Variants in GRIA4 observed in about 807,000 individuals in gnomAD.
The protein encoded by GRIA4 is glutamate receptor 4.
GRIA4 carries 34 observed loss-of-function variants against 104.0 expected under a neutral mutation model. The observed-to-expected ratio is 0.33, with a 90% confidence interval of 0.25 to 0.44. The LOEUF is 0.44. GRIA4 is among the 20% of genes least tolerant of loss of function. GRIA4 has a pLI of 1.00. For synonymous variants in GRIA4, 386 were observed against 381.9 expected (o/e 1.01, Z -0.13); for missense variants, 750 against 1,096.5 (o/e 0.68, Z 4.46).
At chr11:105,625,212 T>C (rs1206230936) in intron 3 of GRIA4, among the ~76,000 whole-genome samples, 1 of 152,130 alleles carries the variant, frequency 6.6e-6, no homozygotes, top group African/African-American at 2.4e-5. Flanking sequence ...ACGAGGATGA[T>C]ACCGTACTAA....
chr11:105,717,967 C>G (rs1275901393), intron 3 of GRIA4, among the ~76,000 whole-genome samples: 3 of 149,682 alleles, frequency 2.0e-5, no homozygotes, highest in African/African-American at 7.4e-5. Context: ...TCATCATTCT[C>G]AGTAAACTAT....
rs528466035 is a variant in GRIA4, at chr11:105,665,503, C to G, written c.247+53069C>G. 2.0e-3 allele frequency among the ~76,000 whole-genome samples: 302 copies of G among 151,984 alleles called. 1 individual carries two copies. Among genetic ancestry groups the G allele is most frequent in the African/African-American group, 7.1e-3 (293 of 41,494 alleles). On this transcript the variant is annotated intron_variant, in intron 3 of 16. Coordinates refer to ENST00000282499, the MANE Select transcript of GRIA4 (RefSeq NM_000829.4). ...CTGGCCTTCGAGAATGAGAGCAGTG[C>G]AGGACCAGAGAGGATACTGCAGGAA...
intron 3 of GRIA4, among the ~76,000 whole-genome samples, chr11:105,696,766 AT>A (rs72372757): frequency 0.46 from 68,330 of 148,620 alleles, 15,489 homozygotes; most frequent in East Asian, 0.57. Context: ...TTTCTTTCTG[AT>A]TTTTTTTTTT....
intron 14 of GRIA4, among the ~76,000 whole-genome samples, chr11:105,942,297 A>G (rs948075400): frequency 1.3e-5 from 2 of 152,112 alleles, no homozygotes; most frequent in African/African-American, 4.8e-5. Flanking sequence ...ATAATATTGT[A>G]TAAGCCATAG....
chr11:105,668,523 G>A (rs935151785), intron 3 of GRIA4, among the ~76,000 whole-genome samples: 3 of 151,536 alleles, frequency 2.0e-5, no homozygotes, highest in African/African-American at 7.3e-5. Context: ...CAACAGAGGG[G>A]CTGCTGGCTC....
intron 3 of GRIA4, among the ~76,000 whole-genome samples, chr11:105,741,522 T>C (rs1939304240): frequency 6.6e-6 from 1 of 152,110 alleles, no homozygotes; most frequent in Non-Finnish European, 1.5e-5. Context: ...GGAGGAAACA[T>C]GGGATAAGCT....
chr11:105,822,861 G>A (rs1943626190), intron 4 of GRIA4, among the ~76,000 whole-genome samples: 1 of 152,072 alleles, frequency 6.6e-6, no homozygotes, highest in Non-Finnish European at 1.5e-5. Flanking sequence ...TTATTTGCAA[G>A]GACTGAGTAG....
intron 3 of GRIA4, among the ~76,000 whole-genome samples, chr11:105,695,441 C>T (rs967400297): frequency 6.9e-6 from 1 of 144,868 alleles, no homozygotes; most frequent in Non-Finnish European, 1.5e-5. Context: ...AGAGTGTATG[C>T]GTGCGTGTGT....
chr11:105,655,484 C>T (rs2135395757), intron 3 of GRIA4, among the ~76,000 whole-genome samples: 1 of 152,196 alleles, frequency 6.6e-6, no homozygotes, highest in South Asian at 2.1e-4. Context: ...GCTCTCCCTC[C>T]CCTAGTCCCC....
intron 4 of GRIA4, among the ~76,000 whole-genome samples, chr11:105,792,155 A>T (rs1942240973): frequency 6.6e-6 from 1 of 152,220 alleles, no homozygotes; most frequent in African/African-American, 2.4e-5. Context: ...AATAATACTG[A>T]ACTTCATAAT....
At chr11:105,759,959 C>T (rs530689382) in intron 4 of GRIA4, among the ~76,000 whole-genome samples, 2 of 138,098 alleles carry the variant, frequency 1.4e-5, no homozygotes, top group East Asian at 4.2e-4. Flanking sequence ...TGCCCCCATA[C>T]AGTCACACTT....
rs181395644 is a variant in GRIA4 at position 105,691,384 on chromosome 11, G to C, written c.248-61597G>C. Among the ~76,000 whole-genome samples the C allele has an allele frequency of 5.4e-4, 82 of 152,164 alleles. No homozygotes were observed. The Middle Eastern group carries it at 0.014, about 25-fold the overall frequency. On this transcript the variant is annotated intron_variant, in intron 3 of 16. Transcript: ENST00000282499. The stretch of plus-strand genomic sequence containing the variant: ...AACACAGAAAAAAAGTTTCTTAGAA[G>C]ACAATGTAGTCTGTTTACTTTGTAC...
intron 3 of GRIA4, among the ~76,000 whole-genome samples, chr11:105,680,825 C>T (rs547550628): frequency 5.9e-5 from 9 of 152,068 alleles, no homozygotes; most frequent in Admixed American, 1.3e-4. Flanking sequence ...TACAAGTATC[C>T]ATCTCAGGGT....
intron 13 of GRIA4, among the ~76,000 whole-genome samples, chr11:105,932,285 T>C (rs1420782743): frequency 1.3e-5 from 2 of 152,032 alleles, no homozygotes; most frequent in African/African-American, 2.4e-5. Flanking sequence ...ACTACAGGCA[T>C]GCGCTGCTAT....
intron 4 of GRIA4, among the ~76,000 whole-genome samples, chr11:105,786,144 C>CAAA (rs34888562): frequency 0.01 from 899 of 87,446 alleles, 9 homozygotes; most frequent in Middle Eastern, 0.029. Flanking sequence ...GACCCTTTCT[C>CAAA]AAAAAAAAAA....
chr11:105,665,734 T>C (rs1235352656), intron 3 of GRIA4, among the ~76,000 whole-genome samples: 1 of 152,064 alleles, frequency 6.6e-6, no homozygotes, highest in African/African-American at 2.4e-5. Flanking sequence ...TCTTTGGGCG[T>C]AATTTATGCC....
At chr11:105,925,235 A>G (rs1947672622) in intron 12 of GRIA4, among the ~76,000 whole-genome samples, 1 of 152,160 alleles carries the variant, frequency 6.6e-6, no homozygotes, top group South Asian at 2.1e-4. Flanking sequence ...TCAAGATAGT[A>G]GGTACCAGAT....
At chr11:105,893,142 C>T (rs950450875) in intron 6 of GRIA4, among the ~76,000 whole-genome samples, 1 of 151,994 alleles carries the variant, frequency 6.6e-6, no homozygotes, top group African/African-American at 2.4e-5. Flanking sequence ...AAAGTAGTGG[C>T]CCATTTTAAC....
chr11:105,877,991 T>C (rs904940148), intron 5 of GRIA4, among the ~76,000 whole-genome samples: 1 of 152,200 alleles, frequency 6.6e-6, no homozygotes, highest in African/African-American at 2.4e-5. Flanking sequence ...GAAGAGGCGT[T>C]CTGGTTTTTG....
Sources: allele counts gnomAD v4.1 joint callset (sites outside exome capture counted in the v4.1 genomes callset), GRCh38; gene constraint gnomAD v4.1.1; transcripts MANE v1.5; gene names NCBI Gene and HGNC (gene_info 2026-07-23, HGNC 2026-07-21).